Variants in DMD observed in about 807,000 individuals in gnomAD.
DMD encodes mutant dystrophin.
A neutral mutation model predicts 330.1 loss-of-function variants in DMD; 63 were observed. That is an observed-to-expected ratio of 0.19 (90% CI 0.16 to 0.24). The LOEUF is 0.24. DMD is among the 10% of genes least tolerant of loss of function. The pLI is 1.00. For synonymous variants in DMD, 1,223 were observed against 959.8 expected (o/e 1.27, Z -5.07); for missense variants, 3,344 against 2,684.1 (o/e 1.25, Z -5.43).
At chrX:31,344,304 T>C (rs1033242571) in intron 61 of DMD, among the ~76,000 whole-genome samples, 1 of 111,564 alleles carries the variant, frequency 9.0e-6, no homozygotes, top group Non-Finnish European at 1.9e-5. Context: ...TCTGAGATAT[T>C]TGTAAAGGTA....
intron 44 of DMD, among the ~76,000 whole-genome samples, chrX:31,982,713 A>T (rs572734542): frequency 9.1e-6 from 1 of 110,143 alleles, no homozygotes; most frequent in Non-Finnish European, 1.9e-5. Flanking sequence ...AGAATAGATA[A>T]AATAGTCTTT....
chrX:31,394,150 T>C (rs2060810196), intron 60 of DMD, among the ~76,000 whole-genome samples: 1 of 112,438 alleles, frequency 8.9e-6, no homozygotes, highest in African/African-American at 3.2e-5. Flanking sequence ...ATCTCAAAAA[T>C]ATTAGATTAT....
chrX:32,342,599 G>C, intron 40 of DMD: 1 of 301,409 alleles, frequency 3.3e-6, no homozygotes, highest in Non-Finnish European at 5.8e-6. Flanking sequence ...TTATTTATTA[G>C]GGACCGTCCA....
chrX:32,946,845 GT>G (rs2090851341), intron 2 of DMD, among the ~76,000 whole-genome samples: 1 of 111,381 alleles, frequency 9.0e-6, no homozygotes, highest in South Asian at 3.7e-4. Flanking sequence ...AAACAGCCCA[GT>G]GACTAGGTTG....
At chrX:32,833,730 TCTTAAAAGATA>T (rs2079360150) in intron 4 of DMD, among the ~76,000 whole-genome samples, 2 of 103,841 alleles carry the variant, frequency 1.9e-5, no homozygotes, top group Non-Finnish European at 3.9e-5. Context: ...ACAATAAAAA[TCTTAAAAGATA>T]CTTGAGTGAC....
chrX:32,567,359 A>G (rs2051848183), intron 15 of DMD, among the ~76,000 whole-genome samples: 1 of 112,170 alleles, frequency 8.9e-6, no homozygotes. Context: ...TCAAATCAAA[A>G]TAAAACTCAC....
intron 1 of DMD, among the ~76,000 whole-genome samples, chrX:33,163,531 A>G (rs1195508159): frequency 2.9e-5 from 3 of 102,647 alleles, no homozygotes; most frequent in Non-Finnish European, 5.8e-5. Flanking sequence ...GTGAGACTCC[A>G]TCTCAAAAAT....
At chrX:31,150,712 T>C (rs1318714060) in intron 74 of DMD, among the ~76,000 whole-genome samples, 1 of 112,044 alleles carries the variant, frequency 8.9e-6, no homozygotes, top group East Asian at 2.8e-4. Flanking sequence ...TGCTAAATAT[T>C]TTCTGTTGTC....
At chrX:32,526,228 A>T (rs764656334) in intron 17 of DMD, among the ~76,000 whole-genome samples, 35 of 112,040 alleles carry the variant, frequency 3.1e-4, no homozygotes, top group Non-Finnish European at 4.9e-4. Context: ...TTCTCTGTTC[A>T]CAAAATGATT....
At chrX:31,254,110 A>G (rs1781150794) in intron 63 of DMD, among the ~76,000 whole-genome samples, 1 of 112,285 alleles carries the variant, frequency 8.9e-6, no homozygotes, top group African/African-American at 3.2e-5. Context: ...AAGTAACACC[A>G]GAACATACGG....
intron 7 of DMD, among the ~76,000 whole-genome samples, chrX:32,719,938 A>G (rs1430263458): frequency 9.2e-6 from 1 of 109,232 alleles, no homozygotes; most frequent in Non-Finnish European, 1.9e-5. Flanking sequence ...CACACATACT[A>G]TATGACCTGA....
At chrX:32,765,104 T>C (rs1490751224) in intron 7 of DMD, among the ~76,000 whole-genome samples, 2 of 110,596 alleles carry the variant, frequency 1.8e-5, no homozygotes, top group African/African-American at 6.6e-5. Flanking sequence ...TTTAGAGAAA[T>C]TTCTGATCAA....
At chrX:33,235,973 T>G (rs1341063073) in intron 1 of DMD, among the ~76,000 whole-genome samples, 3 of 105,824 alleles carry the variant, frequency 2.8e-5, no homozygotes, top group African/African-American at 1.0e-4. Context: ...TGGAGTGCAG[T>G]GGCGCGATCT....
intron 64 of DMD, among the ~76,000 whole-genome samples, chrX:31,212,669 G>A (rs933131551): frequency 1.8e-5 from 2 of 111,514 alleles, no homozygotes; most frequent in African/African-American, 6.5e-5. Flanking sequence ...GAGCCAGAAG[G>A]TTGCTTTAAA....
At chrX:33,060,070 C>T (rs1271273274) in intron 1 of DMD, among the ~76,000 whole-genome samples, 2 of 111,413 alleles carry the variant, frequency 1.8e-5, no homozygotes, top group East Asian at 2.8e-4. Flanking sequence ...TGCTGAATCA[C>T]GGTAAGGCAG....
At chrX:32,916,898 A>G (rs1450785520) in intron 2 of DMD, among the ~76,000 whole-genome samples, 3 of 111,719 alleles carry the variant, frequency 2.7e-5, no homozygotes, top group Non-Finnish European at 5.6e-5. Context: ...TCCCATCACA[A>G]AGAAAGGAAG....
chrX:32,915,855 C>A, intron 2 of DMD, among the ~76,000 whole-genome samples: 1 of 111,481 alleles, frequency 9.0e-6, no homozygotes, highest in Non-Finnish European at 1.9e-5. Context: ...ATTTCAAGTG[C>A]CATAAATTCT....
chrX:32,919,723 C>T (rs2088202471), intron 2 of DMD, among the ~76,000 whole-genome samples: 1 of 111,507 alleles, frequency 9.0e-6, no homozygotes, highest in African/African-American at 3.3e-5. Flanking sequence ...TCTTCATCAC[C>T]AAATACAGGC....
chrX:32,484,189 A>G (rs1393189949), intron 21 of DMD, among the ~76,000 whole-genome samples: 1 of 111,383 alleles, frequency 9.0e-6, no homozygotes, highest in Admixed American at 9.6e-5. Flanking sequence ...TCAAAACCCC[A>G]TTTACTATTT....
Sources: allele counts gnomAD v4.1 joint callset (sites outside exome capture counted in the v4.1 genomes callset), GRCh38; gene constraint gnomAD v4.1.1; transcripts MANE v1.5; gene names NCBI Gene and HGNC (gene_info 2026-07-23, HGNC 2026-07-21).